USP34: variants seen among roughly 807,000 people sequenced by gnomAD.
USP34 encodes the protein ubiquitin specific peptidase 34.
USP34 carries 70 observed loss-of-function variants against 460.3 expected under a neutral mutation model. That is an observed-to-expected ratio of 0.15 (90% CI 0.13 to 0.19). The LOEUF (loss-of-function observed/expected upper bound fraction) is 0.19. USP34 is among the 10% of genes least tolerant of loss of function. USP34 has a pLI of 1.00. For missense variants in USP34, 3,985 were observed against 4,236.2 expected (o/e 0.94, Z 1.65); for synonymous variants, 1,647 against 1,405.3 (o/e 1.17, Z -3.85).
At chr2:61,264,662 T>C (rs946988344) in intron 43 of USP34, among the ~76,000 whole-genome samples, 2 of 151,536 alleles carry the variant, frequency 1.3e-5, no homozygotes, top group African/African-American at 4.9e-5. Context: ...AAATAAAAAA[T>C]CCAAGAGCAA....
At position 61,448,639 on chromosome 2, in the gene USP34, C is replaced by G. The variant is rs1044288240; in HGVS notation, c.43+22011G>C. ...AATGGAAAGAATAAAGAAACTGTTT[C>G]CATCCATAGATGACATACATAAAAA... On this transcript the variant is annotated intron_variant, in intron 1 of 79. Transcript: ENST00000398571. Among the ~76,000 whole-genome samples, 3 of 152,064 alleles carry G rather than the reference C, an allele frequency of 2.0e-5. No individual in the cohort carries two copies. The East Asian group carries it at 5.8e-4, about 29-fold the overall frequency.
intron 3 of USP34, among the ~76,000 whole-genome samples, chr2:61,398,508 GGGGAAGGAGGCGGAAGC>G: frequency 1.4e-5 from 2 of 138,630 alleles, no homozygotes; most frequent in African/African-American, 2.9e-5. Flanking sequence ...GGCGGAAGCA[GGGGAAGGAGGCGGAAGC>G]GGGGAAGGAG....
At chr2:61,199,198 G>C (rs994351311) in intron 75 of USP34, among the ~76,000 whole-genome samples, 4 of 151,916 alleles carry the variant, frequency 2.6e-5, no homozygotes, top group Non-Finnish European at 5.9e-5. Context: ...CAAATCTCAT[G>C]GTGGTATTCA....
Position 61,265,445 on chromosome 2 carries a change from C to G in USP34, c.5730G>C (p.Gln1910His). 1 of 1,613,110 alleles carries G rather than the reference C, an allele frequency of 6.2e-7. No individual in the cohort carries two copies. Among genetic ancestry groups the G allele is most frequent in the Non-Finnish European group, 8.5e-7 (1 of 1,179,746 alleles). ...TTGCCTCAGGTATCATATAAAGTTG[C>G]TGAATAGTAGAAGCTAAGTAACAAG... ...GATCYLASTI[Q>H]QLYMIPEARQ... Residue 1910 changes from glutamine to histidine, a missense_variant, in exon 43 of 80, where the codon CAG (glutamine) becomes CAC (histidine). Physicochemically the swap from Gln to His is conservative, Grantham distance 24 (BLOSUM62 0). Transcript: ENST00000398571.
rs1692591161 is a variant in USP34, at chr2:61,370,587, C to G, written c.1077-8G>C. On this transcript the variant is annotated splice_region_variant and splice_polypyrimidine_tract_variant and intron_variant, in intron 8 of 79. Coordinates refer to ENST00000398571, the MANE Select transcript of USP34 (RefSeq NM_014709.4). Reference sequence around the variant, plus strand: ...AGTTCTTTTGCAATGGACCTAAAGTCAAGCAATGAAAATAGTACATTAAAA... The same window carrying G: ...AGTTCTTTTGCAATGGACCTAAAGTGAAGCAATGAAAATAGTACATTAAAA... 2 of 1,611,292 alleles carry G rather than the reference C, an allele frequency of 1.2e-6. No homozygotes were observed. Among genetic ancestry groups the G allele is most frequent in the East Asian group, 4.5e-5 (2 of 44,814 alleles).
chr2:61,423,989 T>C (rs141228970), intron 1 of USP34, among the ~76,000 whole-genome samples: 197 of 152,254 alleles, frequency 1.3e-3, no homozygotes, highest in Non-Finnish European at 1.4e-3. Flanking sequence ...ATAAAATAAA[T>C]GTTCACAAGT....
chr2:61,206,246 A>G, intron 71 of USP34, 122 bp from the exon 72 acceptor site: 1 of 750,698 alleles, frequency 1.3e-6, no homozygotes, highest in Non-Finnish European at 2.2e-6. Flanking sequence ...AAACATCTTC[A>G]GTGAAAGCTA....
chr2:61,299,615 T>A (rs951918749), intron 29 of USP34, among the ~76,000 whole-genome samples: 6 of 151,902 alleles, frequency 3.9e-5, no homozygotes, highest in Admixed American at 2.6e-4. Context: ...GCCAGGCACA[T>A]TGGCATGCAC....
At chr2:61,433,006 T>C (rs1469848363) in intron 1 of USP34, among the ~76,000 whole-genome samples, 1 of 152,086 alleles carries the variant, frequency 6.6e-6, no homozygotes, top group Non-Finnish European at 1.5e-5. Flanking sequence ...AGCAAAGTTA[T>C]GAAGAATATT....
At chr2:61,270,863 A>G (rs1689192516) in intron 41 of USP34, among the ~76,000 whole-genome samples, 1 of 152,234 alleles carries the variant, frequency 6.6e-6, no homozygotes, top group African/African-American at 2.4e-5. Context: ...TTCCTAAAAC[A>G]TAGGCTAAAC....
chr2:61,414,406 C>CAATAAGATCTATCAATAAG lies in USP34; in HGVS notation c.131+6321_131+6339dup, dbSNP rs570272197. ...GCAAGCAATTTTCCAATTCTGTATC[C>CAATAAGATCTATCAATAAG]AATAAGATCTATCAATAAGTATAAG... On this transcript the variant is annotated intron_variant, in intron 2 of 79. Coordinates refer to ENST00000398571, the MANE Select transcript of USP34 (RefSeq NM_014709.4). Among the ~76,000 whole-genome samples, 9 of 152,234 alleles carry CAATAAGATCTATCAATAAG rather than the reference C, an allele frequency of 5.9e-5. No individual in the cohort carries two copies. The South Asian group carries it at 1.9e-3, about 32-fold the overall frequency.
chr2:61,304,636 G>A (rs1690345130), intron 27 of USP34, among the ~76,000 whole-genome samples: 1 of 152,192 alleles, frequency 6.6e-6, no homozygotes, highest in Non-Finnish European at 1.5e-5. Context: ...TGAGAAAGCT[G>A]TCACTTGACA....
intron 41 of USP34, among the ~76,000 whole-genome samples, chr2:61,268,993 G>A (rs975252812): frequency 7.5e-6 from 1 of 132,910 alleles, no homozygotes. Context: ...ACAATATCAT[G>A]TACACAGGAA....
chr2:61,236,132 G>C, intron 55 of USP34, 29 bp downstream of exon 55: 8 of 1,593,278 alleles, frequency 5.0e-6, no homozygotes, highest in Non-Finnish European at 6.8e-6. Context: ...AATTTTGACA[G>C]AATTATTTAA....
intron 57 of USP34, among the ~76,000 whole-genome samples, chr2:61,234,412 A>C (rs1688003561): frequency 1.3e-5 from 2 of 152,202 alleles, no homozygotes; most frequent in African/African-American, 4.8e-5. Flanking sequence ...GGTTATCCTT[A>C]GGGATGCACC....
intron 2 of USP34, chr2:61,417,245 C>G: frequency 7.4e-7 from 1 of 1,354,828 alleles, no homozygotes; most frequent in Non-Finnish European, 1.0e-6. Context: ...ATCTGAAAGG[C>G]CTGTCTCCAA....
intron 1 of USP34, among the ~76,000 whole-genome samples, chr2:61,466,553 T>C (rs957690636): frequency 6.6e-5 from 10 of 152,236 alleles, no homozygotes; most frequent in East Asian, 1.9e-4. Context: ...GTTTTATGTA[T>C]TGAAACATCA....
intron 29 of USP34, among the ~76,000 whole-genome samples, chr2:61,298,196 CCT>C (rs753652435): frequency 6.6e-6 from 1 of 151,144 alleles, no homozygotes; most frequent in Non-Finnish European, 1.5e-5. Flanking sequence ...GCAAAAAATC[CCT>C]GTTATCAACC....
At chr2:61,454,441 TTTG>T (rs1695373453) in intron 1 of USP34, among the ~76,000 whole-genome samples, 1 of 149,800 alleles carries the variant, frequency 6.7e-6, no homozygotes, top group South Asian at 2.1e-4. Flanking sequence ...TGTTTGTTGT[TTTG>T]TTTTTGTTTT....
Sources: gnomAD v4.1 joint callset for allele counts (sites outside exome capture counted in the v4.1 genomes callset) on GRCh38, gnomAD v4.1.1 for gene constraint, MANE v1.5 for transcripts, NCBI Gene and HGNC (gene_info 2026-07-23, HGNC 2026-07-21) for gene names.